Variants in HGF observed in about 807,000 individuals in gnomAD.
HGF encodes the protein fibroblast-derived tumor cytotoxic factor.
A neutral mutation model predicts 111.6 loss-of-function variants in HGF; 39 were observed. That is an observed-to-expected ratio of 0.35 (90% confidence interval 0.27 to 0.46). The LOEUF is 0.46. HGF is among the 20% of genes least tolerant of loss of function. The pLI is 1.00. For missense variants in HGF, 735 were observed against 910.5 expected (o/e 0.81, Z 2.48); for synonymous variants, 285 against 294.8 (o/e 0.97, Z 0.34).
intron 7 of HGF, among the ~76,000 whole-genome samples, chr7:81,730,442 T>C (rs574346342): frequency 3.3e-5 from 5 of 151,930 alleles, no homozygotes; most frequent in African/African-American, 7.3e-5. Context: ...GCAAGAAGAG[T>C]GAAAGTCTGT....
rs979889110 is a variant in HGF at position 81,699,866 on chromosome 7, C to G, written c.*2715G>C. On this transcript the variant is annotated 3_prime_UTR_variant, in exon 18 of 18. Transcript: ENST00000222390. ...GATAGCAAGCAAAAGCCTGTTAATA[C>G]TAGAAATTGACTCAATAGATTTTAC... is the stretch of plus-strand genomic sequence containing the variant. The G allele has an allele frequency of 6.6e-6, 1 of 151,604 alleles. No homozygotes were observed. Among genetic ancestry groups the G allele is most frequent in the South Asian group, 2.1e-4 (1 of 4,830 alleles). The allele number at this position is 151,604 out of a possible 1,614,324, so 9.4% of individuals were successfully genotyped here.
At chr7:81,749,489 G>A (rs957642311) in intron 5 of HGF, among the ~76,000 whole-genome samples, 37 of 152,102 alleles carry the variant, frequency 2.4e-4, no homozygotes, top group Non-Finnish European at 4.4e-4. Flanking sequence ...TATTATGTAC[G>A]ACATGATGTT....
intron 11 of HGF, among the ~76,000 whole-genome samples, chr7:81,715,538 G>A (rs1789687867): frequency 6.6e-6 from 1 of 151,862 alleles, no homozygotes; most frequent in Non-Finnish European, 1.5e-5. Flanking sequence ...CCATTTATTT[G>A]CAAACATATA....
At chr7:81,725,606 C>G (rs1369717286) in intron 9 of HGF, among the ~76,000 whole-genome samples, 1 of 152,088 alleles carries the variant, frequency 6.6e-6, no homozygotes, top group Admixed American at 6.6e-5. Flanking sequence ...TGCTTATTTT[C>G]TATCAGTTGA....
intron 7 of HGF, among the ~76,000 whole-genome samples, chr7:81,740,802 G>C (rs1787974762): frequency 6.6e-6 from 1 of 152,186 alleles, no homozygotes; most frequent in South Asian, 2.1e-4. Flanking sequence ...AATGCAACAT[G>C]GAGTTTTAGA....
intron 11 of HGF, among the ~76,000 whole-genome samples, chr7:81,714,662 ATAAACT>A (rs1789663840): frequency 6.6e-6 from 1 of 152,136 alleles, no homozygotes; most frequent in Non-Finnish European, 1.5e-5. Context: ...TGCATATTTG[ATAAACT>A]TAAAAATATG....
intron 7 of HGF, among the ~76,000 whole-genome samples, chr7:81,731,204 T>A (rs1787641954): frequency 6.6e-6 from 1 of 152,216 alleles, no homozygotes; most frequent in South Asian, 2.1e-4. Context: ...CCTTAATGAC[T>A]ACCCTAATTA....
intron 2 of HGF, among the ~76,000 whole-genome samples, chr7:81,761,994 G>A (rs1056228004): frequency 1.3e-5 from 2 of 152,128 alleles, no homozygotes; most frequent in Non-Finnish European, 2.9e-5. Context: ...AATGCTCACT[G>A]GCCTGCAGCT....
At chr7:81,760,221 C>G (rs1788999667) in intron 2 of HGF, among the ~76,000 whole-genome samples, 1 of 152,214 alleles carries the variant, frequency 6.6e-6, no homozygotes, top group East Asian at 1.9e-4. Flanking sequence ...TGTCTATTTC[C>G]TATTTGTTGA....
intron 5 of HGF, among the ~76,000 whole-genome samples, chr7:81,749,280 T>G (rs192030032): frequency 3.3e-5 from 5 of 152,270 alleles, no homozygotes; most frequent in African/African-American, 1.2e-4. Flanking sequence ...TATATTTACT[T>G]GATCATTTGA....
chr7:81,720,103 G>T (rs1470811008), intron 10 of HGF, among the ~76,000 whole-genome samples: 1 of 151,952 alleles, frequency 6.6e-6, no homozygotes, highest in African/African-American at 2.4e-5. Flanking sequence ...GGGTTGAGTG[G>T]GTGCTACCTT....
intron 7 of HGF, 31 bp from the exon 8 acceptor site, chr7:81,729,810 CTT>C (rs760048939): frequency 8.0e-5 from 119 of 1,481,408 alleles, no homozygotes; most frequent in Non-Finnish European, 1.1e-4. Flanking sequence ...CAAAAAAAAA[CTT>C]ATATAAAATC....
intron 1 of HGF, among the ~76,000 whole-genome samples, chr7:81,765,339 A>G (rs905143988): frequency 1.6e-4 from 24 of 152,138 alleles, no homozygotes; most frequent in African/African-American, 5.8e-4. Flanking sequence ...AAATGTGTTA[A>G]TGTTTTGTTG....
chr7:81,726,956 A>G (rs914649852), intron 8 of HGF, among the ~76,000 whole-genome samples: 1 of 151,992 alleles, frequency 6.6e-6, no homozygotes, highest in African/African-American at 2.4e-5. Context: ...TTTGGAAACC[A>G]CAGTATTTGT....
intron 2 of HGF, among the ~76,000 whole-genome samples, chr7:81,760,680 C>CGTGCGTGCGTGTGT (rs1198387549): frequency 2.9e-5 from 4 of 139,570 alleles, no homozygotes; most frequent in Admixed American, 2.2e-4. Context: ...TATGTGCGTG[C>CGTGCGTGCGTGTGT]GTGTGTGTGT....
rs143436448 is a variant in HGF at position 81,727,825 on chromosome 7, A to C, written c.1040+1780T>G. 9.4e-3 allele frequency among the ~76,000 whole-genome samples: 1,430 copies of C among 152,270 alleles called. 20 individuals carry two copies. The highest frequency in any genetic ancestry group is 0.033 in the African/African-American group (1,367 of 41,534). ...CAAAGTCTTAGTTTGGACTGACTTT[A>C]ACATCTGTATTAGAAGCACCTCAAT... is the stretch of plus-strand genomic sequence containing the variant. On this transcript the variant is annotated intron_variant, in intron 8 of 17. Coordinates refer to ENST00000222390, the MANE Select transcript of HGF (RefSeq NM_000601.6).
chr7:81,763,568 A>G (rs1789208419), intron 1 of HGF, among the ~76,000 whole-genome samples: 1 of 152,186 alleles, frequency 6.6e-6, no homozygotes, highest in South Asian at 2.1e-4. Flanking sequence ...AGGCGCCTAG[A>G]TAGCATGAAG....
In HGF at chr7:81,702,749, A is replaced by G. The variant is rs367800414; in HGVS notation, c.2019T>C (p.Tyr673=). The change falls in exon 18 of 18, where the codon TAT becomes TAC. Residue 673 remains tyrosine (Y), a synonymous_variant. Coordinates refer to ENST00000222390, the MANE Select transcript of HGF (RefSeq NM_000601.6). ...KIGSGPCEGD[Y]GGPLVCEQHK... is the part of the protein sequence containing the mutation. The stretch of plus-strand genomic sequence containing the variant: ...GTTGCTCACAAACAAGTGGGCCACC[A>G]TAATCCCCCTAGGAGTAAGACATAC... 7.4e-5 allele frequency: 119 copies of G among 1,611,122 alleles called. No individual in the cohort carries two copies. Among genetic ancestry groups the G allele is most frequent in the Non-Finnish European group, 9.9e-5 (117 of 1,177,990 alleles).
At chr7:81,737,289 G>A (rs936813514) in intron 7 of HGF, among the ~76,000 whole-genome samples, 7 of 152,004 alleles carry the variant, frequency 4.6e-5, no homozygotes, top group African/African-American at 1.7e-4. Context: ...GAAAATCAGG[G>A]TAAAAGATAA....
Sources: allele counts gnomAD v4.1 joint callset (sites outside exome capture counted in the v4.1 genomes callset), GRCh38; gene constraint gnomAD v4.1.1; transcripts MANE v1.5; gene names NCBI Gene and HGNC (gene_info 2026-07-23, HGNC 2026-07-21).